The following IFNGR1 variants were observed in gnomAD, a reference collection of about 807,000 sequenced individuals.
The protein encoded by IFNGR1 is interferon gamma receptor 1.
IFNGR1 carries 23 observed loss-of-function variants against 35.4 expected under a neutral mutation model. That is an observed-to-expected ratio of 0.65 (90% CI 0.47 to 0.92). The LOEUF (loss-of-function observed/expected upper bound fraction) is 0.92. Among genes scored for constraint, IFNGR1 ranks in the 40% least tolerant of loss-of-function variants. The pLI is 0.00. For missense variants in IFNGR1, 533 were observed against 583.4 expected, an observed-to-expected ratio of 0.91 and a Z score of 0.89; for synonymous variants, 199 against 209.5, an observed-to-expected ratio of 0.95 and a Z score of 0.43.
intron 1 of IFNGR1, among the ~76,000 whole-genome samples, chr6:137,215,029 C>T (rs1401573370): frequency 6.6e-6 from 1 of 152,156 alleles, no homozygotes; most frequent in African/African-American, 2.4e-5. Flanking sequence ...TAATCCCTAA[C>T]ATATTAAGTA....
At chr6:137,216,351 C>A (rs1582646623) in intron 1 of IFNGR1, among the ~76,000 whole-genome samples, 1 of 152,176 alleles carries the variant, frequency 6.6e-6, no homozygotes, top group Non-Finnish European at 1.5e-5. Context: ...CAGTGGCACA[C>A]CCTGATTCAC....
At chr6:137,209,813 G>T in intron 1 of IFNGR1, 1 of 398,650 alleles carries the variant, frequency 2.5e-6, no homozygotes, top group Non-Finnish European at 4.4e-6. Flanking sequence ...TACTATTTAT[G>T]CCTTCCACAC....
intron 1 of IFNGR1, among the ~76,000 whole-genome samples, chr6:137,209,588 G>T (rs1021492885): frequency 4.6e-5 from 7 of 152,184 alleles, no homozygotes; most frequent in African/African-American, 1.7e-4. Context: ...CCGCCACCAT[G>T]TAAGAAGTGC....
intron 1 of IFNGR1, among the ~76,000 whole-genome samples, chr6:137,217,268 T>C (rs535689307): frequency 6.6e-6 from 1 of 152,372 alleles, no homozygotes; most frequent in South Asian, 2.1e-4. Context: ...TCTTTCTAAA[T>C]GGCATGTCTG....
In IFNGR1 at chr6:137,207,017, TC is replaced by T; in HGVS notation, c.145del (p.Glu49SerfsTer13). 1 of 1,613,912 alleles carries T rather than the reference TC, an allele frequency of 6.2e-7. No individual in the cohort carries two copies. Among genetic ancestry groups the T allele is most frequent in the Non-Finnish European group, 8.5e-7 (1 of 1,179,842 alleles). ...AGGGACCTGTGGCATGATCTGGTAC[TC>T]CCAATATACGATAGGGTTCATGTTA... ...SYNMNPIVYW[E>X]YQIMPQVPVF... On this transcript the variant is annotated frameshift_variant, in exon 2 of 7. Transcript: ENST00000367739. LOFTEE classifies it high-confidence loss of function.
At chr6:137,201,413 G>A (rs1368589113) in intron 5 of IFNGR1, among the ~76,000 whole-genome samples, 2 of 152,170 alleles carry the variant, frequency 1.3e-5, no homozygotes, top group African/African-American at 4.8e-5. Flanking sequence ...AGTGGCTCAA[G>A]CCTGTAATCC....
rs1422274025 is a variant in IFNGR1, at chr6:137,198,587, A to G, written c.914T>C (p.Val305Ala). 1 of 1,613,800 alleles carries G rather than the reference A, an allele frequency of 6.2e-7. No homozygotes were observed. Among genetic ancestry groups the G allele is most frequent in the Non-Finnish European group, 8.5e-7 (1 of 1,179,972 alleles). Residue 305 changes from valine to alanine, a missense_variant, in exon 7 of 7, where the codon GTA becomes GCA. Val to Ala is a moderately conservative substitution (Grantham distance 64). Transcript: ENST00000367739. ...TLETKPESKY[V>A]SLITSYQPFS... ...TGGCTGGTATGACGTGATGAGTGATACATATTTTGATTCAGGTTTTGTCTC... is the reference window on the plus strand; with the variant it reads ...TGGCTGGTATGACGTGATGAGTGATGCATATTTTGATTCAGGTTTTGTCTC...
intron 1 of IFNGR1, among the ~76,000 whole-genome samples, chr6:137,215,799 C>A (rs1779682073): frequency 6.6e-6 from 1 of 152,128 alleles, no homozygotes; most frequent in Non-Finnish European, 1.5e-5. Flanking sequence ...GCAGCCTAGA[C>A]CTCCTGGGCT....
At chr6:137,199,498 A>ATT (rs1562283298) in intron 6 of IFNGR1, among the ~76,000 whole-genome samples, 4 of 39,540 alleles carry the variant, frequency 1.0e-4, no homozygotes, top group Non-Finnish European at 2.7e-4. Flanking sequence ...TATATTATAT[A>ATT]AAATATATAA....
At position 137,198,643 on chromosome 6, in the gene IFNGR1, T is replaced by C. The variant is rs3799488; in HGVS notation, c.862-4A>G. 185,791 of 1,605,704 alleles carry C rather than the reference T, an allele frequency of 0.12. 12,087 individuals carry two copies. Among genetic ancestry groups the C allele is most frequent in the East Asian group, 0.28 (12,550 of 44,826 alleles). ...TAGCACTTCTTACCACAGAGATCTATGGGGAGAAAAATTGATTAAAGATAA... is the reference window on the plus strand; with the variant it reads ...TAGCACTTCTTACCACAGAGATCTACGGGGAGAAAAATTGATTAAAGATAA... On this transcript the variant is annotated splice_region_variant and splice_polypyrimidine_tract_variant and intron_variant, in intron 6 of 6. Coordinates refer to ENST00000367739, the MANE Select transcript of IFNGR1 (RefSeq NM_000416.3).
intron 5 of IFNGR1, 27 bp downstream of exon 5, chr6:137,203,472 T>G: frequency 8.0e-7 from 1 of 1,252,818 alleles, no homozygotes; most frequent in African/African-American, 1.5e-5. Context: ...TCCCTCTATA[T>G]TTAGAAAAAA....
intron 1 of IFNGR1, among the ~76,000 whole-genome samples, chr6:137,210,853 T>C (rs1032706018): frequency 1.3e-5 from 2 of 152,174 alleles, no homozygotes; most frequent in Admixed American, 6.5e-5. Flanking sequence ...AAAATTCCAA[T>C]ATTCAAGACC....
At chr6:137,204,704 G>A (rs1276067152) in intron 3 of IFNGR1, among the ~76,000 whole-genome samples, 200 bp from the exon 4 acceptor site, 1 of 151,510 alleles carries the variant, frequency 6.6e-6, no homozygotes, top group Non-Finnish European at 1.5e-5. Flanking sequence ...ATAAATCTCA[G>A]GCAAGAAGTA....
rs121913186 is a variant in IFNGR1, at chr6:137,198,467, T to C, written c.1034A>G (p.His345Arg). The change falls in exon 7 of 7, where the codon CAT (histidine) becomes CGT (arginine). Residue 345 changes from histidine to arginine, a missense_variant. By Grantham distance (29) the His-to-Arg change is conservative (BLOSUM62 0). Coordinates refer to ENST00000367739, the MANE Select transcript of IFNGR1 (RefSeq NM_000416.3). ...HTEDNPGKVE[H>R]TEELSSITEV... ...TGTTATACTAGAAAGTTCTTCTGTA[T>C]GTTCCACTTTTCCTGGATTGTCTTC... is the stretch of plus-strand genomic sequence containing the variant. 74 of 1,614,220 alleles carry C rather than the reference T, an allele frequency of 4.6e-5. No homozygotes were observed. Among genetic ancestry groups the C allele is most frequent in the African/African-American group, 1.3e-4 (10 of 75,062 alleles).
In IFNGR1 at chr6:137,198,017, C is replaced by A; in HGVS notation, c.*14G>T. The A allele has an allele frequency of 3.7e-6, 6 of 1,613,792 alleles. No individual in the cohort carries two copies. Among genetic ancestry groups the A allele is most frequent in the Non-Finnish European group, 5.1e-6 (6 of 1,179,894 alleles). ...GGAAAATCAGACTTCAAAGTTGGTGCAACTTAGCTGATCTCATGAAAATTC... is the reference window on the plus strand; with the variant it reads ...GGAAAATCAGACTTCAAAGTTGGTGAAACTTAGCTGATCTCATGAAAATTC... On this transcript the variant is annotated 3_prime_UTR_variant, in exon 7 of 7. Transcript: ENST00000367739.
intron 1 of IFNGR1, chr6:137,218,588 G>GT (rs1779763033): frequency 2.2e-6 from 2 of 897,210 alleles, no homozygotes; most frequent in East Asian, 6.6e-5. Flanking sequence ...AGCACTTTGA[G>GT]TCCCCCCCCC....
At chr6:137,199,535 A>T (rs28563154) in intron 6 of IFNGR1, among the ~76,000 whole-genome samples, 2 of 82,174 alleles carry the variant, frequency 2.4e-5, no homozygotes, top group South Asian at 5.6e-4. Flanking sequence ...TATAATATAT[A>T]ATATATATTA....
intron 1 of IFNGR1, among the ~76,000 whole-genome samples, chr6:137,212,069 G>A (rs17175127): frequency 0.12 from 18,854 of 152,116 alleles, 1,315 homozygotes; most frequent in Non-Finnish European, 0.16. Flanking sequence ...TAAGACGCAA[G>A]AAGAAACCAG....
Position 137,203,521 on chromosome 6 carries a change from G to A in IFNGR1, c.711C>T (p.Thr237=), listed in dbSNP as rs886061127. 1.5e-5 allele frequency: 24 copies of A among 1,601,258 alleles called. No individual in the cohort carries two copies. Among genetic ancestry groups the A allele is most frequent in the Non-Finnish European group, 2.0e-5 (23 of 1,168,584 alleles). The change falls in exon 5 of 7, where the codon ACC becomes ACT. Residue 237 remains threonine (T), a synonymous_variant. Coordinates refer to ENST00000367739, the MANE Select transcript of IFNGR1 (RefSeq NM_000416.3). The part of the protein sequence containing the change: ...TTEKSKEVCI[T]IFNSSIKGSL... The stretch of plus-strand genomic sequence containing the variant: ...TACCTTTTATACTGCTATTGAAAAT[G>A]GTAATACAAACTTCTTTTGACTTTT...
Sources: allele counts gnomAD v4.1 joint callset (sites outside exome capture counted in the v4.1 genomes callset), GRCh38; gene constraint gnomAD v4.1.1; transcripts MANE v1.5; gene names NCBI Gene and HGNC (gene_info 2026-07-23, HGNC 2026-07-21).